RAC1: variants seen among roughly 807,000 people sequenced by gnomAD.
The protein encoded by RAC1 is ras-related C3 botulinum toxin substrate 1.
In RAC1, 2 loss-of-function variants were observed where a neutral mutation model predicts 25.2. The ratio of observed to expected loss-of-function variants is 0.08; its 90% confidence interval spans 0.03 to 0.25. RAC1 has a LOEUF of 0.25. Among genes scored for constraint, RAC1 ranks in the 10% least tolerant of loss-of-function variants. RAC1 has a pLI of 1.00. For synonymous variants in RAC1, 88 were observed against 94.0 expected (o/e 0.94, Z 0.37); for missense variants, 50 against 235.7 (o/e 0.21, Z 5.16).
At position 6,398,742 on chromosome 7, in the gene RAC1, T is replaced by C. The variant is rs1325293606; in HGVS notation, c.226-1384T>C. 5 of 1,607,464 alleles carry C rather than the reference T, an allele frequency of 3.1e-6. No individual in the cohort carries two copies. In the South Asian group the frequency reaches 5.5e-5, roughly 18 times the overall value. On this transcript the variant is annotated intron_variant, in intron 3 of 5. Transcript: ENST00000348035. The stretch of plus-strand genomic sequence containing the variant: ...CCGTATGTAAAACTTTCAGTCCACT[T>C]CAGTTTCAAGCTTTCTCTGTTCTCT...
chr7:6,402,037 C>T lies in RAC1; in HGVS notation c.448+10C>T, dbSNP rs1388154456. 3 of 1,611,172 alleles carry T rather than the reference C, an allele frequency of 1.9e-6. No homozygotes were observed. In the Admixed American group the frequency reaches 5.0e-5, roughly 27 times the overall value. Reference sequence around the variant, plus strand: ...ATGGCTAAGGAGATTGGTATGGAATCCTGTGTTTTTCCTCCTCCTTGTACC... The same window carrying T: ...ATGGCTAAGGAGATTGGTATGGAATTCTGTGTTTTTCCTCCTCCTTGTACC... On this transcript the variant is annotated intron_variant, in intron 5 of 5. Coordinates refer to ENST00000348035, the MANE Select transcript of RAC1 (RefSeq NM_006908.5).
At chr7:6,383,197 C>T (rs577831207) in intron 1 of RAC1, among the ~76,000 whole-genome samples, 24 of 152,300 alleles carry the variant, frequency 1.6e-4, no homozygotes, top group African/African-American at 5.3e-4. Context: ...TGGCCAAATA[C>T]GGCTTCCATT....
chr7:6,383,029 A>G (rs1264280827), intron 1 of RAC1, among the ~76,000 whole-genome samples: 1 of 152,266 alleles, frequency 6.6e-6, no homozygotes, highest in Non-Finnish European at 1.5e-5. Context: ...TAGAAATGGC[A>G]TGAACTTTCT....
intron 2 of RAC1, chr7:6,391,432 A>C (rs2115200466): frequency 6.4e-6 from 1 of 156,522 alleles, no homozygotes; most frequent in East Asian, 1.9e-4. Context: ...TCACTTTGAA[A>C]ATGTTATTGG....
At chr7:6,375,253 T>C (rs1782547853) in intron 1 of RAC1, among the ~76,000 whole-genome samples, 1 of 152,120 alleles carries the variant, frequency 6.6e-6, no homozygotes, top group Non-Finnish European at 1.5e-5. Flanking sequence ...CAAACTTTTC[T>C]TTAAAAAAAT....
At position 6,400,116 on chromosome 7, in the gene RAC1, C is replaced by T; in HGVS notation, c.226-10C>T. The T allele has an allele frequency of 6.2e-7, 1 of 1,607,458 alleles. No homozygotes were observed. ...TTGTCTAAATGTTTCCCTGTGTTTC[C>T]TTTTTGTAGGATGTGTTCTTAATTT... is the stretch of plus-strand genomic sequence containing the variant. On this transcript the variant is annotated splice_polypyrimidine_tract_variant and intron_variant, in intron 3 of 5. Coordinates refer to ENST00000348035, the MANE Select transcript of RAC1 (RefSeq NM_006908.5).
Position 6,401,954 on chromosome 7 carries a change from G to A in RAC1, c.375G>A (p.Thr125=), listed in dbSNP as rs768942971. 1 of 1,614,158 alleles carries A rather than the reference G, an allele frequency of 6.2e-7. No individual in the cohort carries two copies. The highest frequency in any genetic ancestry group is 8.5e-7 in the Non-Finnish European group (1 of 1,180,022). The change falls in exon 5 of 6, where the codon ACG becomes ACA. Residue 125 remains threonine (T), a synonymous_variant. Transcript: ENST00000348035. Reference sequence around the variant, plus strand: ...TTGATCTTAGGGATGATAAAGACACGATCGAGAAACTGAAGGAGAAGAAGC... The same window carrying A: ...TTGATCTTAGGGATGATAAAGACACAATCGAGAAACTGAAGGAGAAGAAGC... The part of the protein sequence containing the change: ...TKLDLRDDKD[T]IEKLKEKKLT...
At chr7:6,377,740 C>G (rs1297378488) in intron 1 of RAC1, among the ~76,000 whole-genome samples, 1 of 152,082 alleles carries the variant, frequency 6.6e-6, no homozygotes, top group Non-Finnish European at 1.5e-5. Context: ...TATGGCGAAA[C>G]CTCGTCTCTA....
intron 2 of RAC1, among the ~76,000 whole-genome samples, chr7:6,390,224 T>C (rs1376770487): frequency 6.6e-6 from 1 of 151,246 alleles, no homozygotes; most frequent in African/African-American, 2.4e-5. Flanking sequence ...TGGAACGTTT[T>C]GTAAATAATC....
intron 1 of RAC1, among the ~76,000 whole-genome samples, chr7:6,376,232 G>C (rs1255445301): frequency 2.2e-5 from 3 of 133,646 alleles, no homozygotes; most frequent in Non-Finnish European, 4.5e-5. Flanking sequence ...GCCCAGGCTG[G>C]AGTGCAGTGG....
chr7:6,384,483 AT>A (rs1253890618), intron 1 of RAC1, among the ~76,000 whole-genome samples: 7 of 151,942 alleles, frequency 4.6e-5, no homozygotes, highest in African/African-American at 7.3e-5. Flanking sequence ...CTGCCCACTT[AT>A]TTTTTTATTG....
At position 6,376,176 on chromosome 7, in the gene RAC1, C is replaced by CTTTTTTTT. The variant is rs747387468; in HGVS notation, c.35+1423_35+1430dup. On this transcript the variant is annotated intron_variant, in intron 1 of 5. Coordinates refer to ENST00000348035, the MANE Select transcript of RAC1 (RefSeq NM_006908.5). Reference sequence around the variant, plus strand: ...TATTAGAGTATGTAGGCTATTCAGGCTTTTTTTTTTTTTTTTTTTTTTTTG... The same window carrying CTTTTTTTT: ...TATTAGAGTATGTAGGCTATTCAGGCTTTTTTTTTTTTTTTTTTTTTTTTTTTTTTTTG... Among the ~76,000 whole-genome samples the CTTTTTTTT allele has an allele frequency of 3.0e-3, 196 of 65,518 alleles. 25 individuals carry two copies. The highest frequency in any genetic ancestry group is 0.013 in the East Asian group (24 of 1,818). 43.0% of individuals were successfully genotyped at this position (65,518 alleles called of 152,430 possible).
At chr7:6,375,617 C>G (rs1012801244) in intron 1 of RAC1, among the ~76,000 whole-genome samples, 1 of 151,866 alleles carries the variant, frequency 6.6e-6, no homozygotes, top group Admixed American at 6.6e-5. Flanking sequence ...TTTGAAGATG[C>G]TGGCTGGGAG....
At chr7:6,396,285 A>G (rs989437759) in intron 3 of RAC1, among the ~76,000 whole-genome samples, 1 of 152,150 alleles carries the variant, frequency 6.6e-6, no homozygotes, top group Non-Finnish European at 1.5e-5. Flanking sequence ...CGGGGAAGAA[A>G]TAGAGCCTCC....
intron 2 of RAC1, chr7:6,391,438 AT>A (rs1384805221): frequency 1.9e-5 from 3 of 156,874 alleles, no homozygotes; most frequent in African/African-American, 7.2e-5. Flanking sequence ...TGAAAATGTT[AT>A]TGGGAGGCTT....
At chr7:6,397,906 T>C (rs1308844080) in intron 3 of RAC1, among the ~76,000 whole-genome samples, 1 of 152,132 alleles carries the variant, frequency 6.6e-6, no homozygotes, top group Non-Finnish European at 1.5e-5. Context: ...GGAGAATCGC[T>C]TGAACCCAGG....
chr7:6,383,669 A>G (rs1782835129), intron 1 of RAC1, among the ~76,000 whole-genome samples: 1 of 151,928 alleles, frequency 6.6e-6, no homozygotes, highest in Non-Finnish European at 1.5e-5. Flanking sequence ...GAGACTTAGG[A>G]CAGAATAGTA....
chr7:6,396,826 C>A (rs534041397), intron 3 of RAC1, among the ~76,000 whole-genome samples: 1 of 152,040 alleles, frequency 6.6e-6, no homozygotes. Flanking sequence ...GTCAGGAGAT[C>A]GAGACCATCC....
intron 1 of RAC1, among the ~76,000 whole-genome samples, chr7:6,381,502 C>T (rs969017789): frequency 6.6e-6 from 1 of 151,534 alleles, no homozygotes; most frequent in African/African-American, 2.4e-5. Context: ...AAGCAATTCT[C>T]CTGCCTCAGC....
Sources: gnomAD v4.1 joint callset for allele counts (sites outside exome capture counted in the v4.1 genomes callset) on GRCh38, gnomAD v4.1.1 for gene constraint, MANE v1.5 for transcripts, NCBI Gene and HGNC (gene_info 2026-07-23, HGNC 2026-07-21) for gene names.